The following KIAA1549 variants were observed in gnomAD, a reference collection of about 807,000 sequenced individuals.
KIAA1549 encodes UPF0606 protein KIAA1549.
In KIAA1549, 70 loss-of-function variants were observed where a neutral mutation model predicts 156.4. That is an observed-to-expected ratio of 0.45 (90% CI 0.37 to 0.55). The LOEUF (loss-of-function observed/expected upper bound fraction) is 0.55. Ranked by LOEUF, KIAA1549 falls within the 20% of genes least tolerant of loss-of-function variation. KIAA1549 has a pLI of 0.00. For missense variants in KIAA1549, 2,428 were observed against 2,540.9 expected, an observed-to-expected ratio of 0.96 and a Z score of 0.96; for synonymous variants, 1,103 against 1,066.4, an observed-to-expected ratio of 1.03 and a Z score of -0.67.
At chr7:138,965,607 T>C (rs1471612916) in intron 1 of KIAA1549, among the ~76,000 whole-genome samples, 1 of 152,158 alleles carries the variant, frequency 6.6e-6, no homozygotes, top group East Asian at 1.9e-4. Flanking sequence ...TGGATCTGTA[T>C]TTCCTGACAA....
intron 1 of KIAA1549, among the ~76,000 whole-genome samples, chr7:138,954,360 G>A (rs967954509): frequency 9.9e-5 from 15 of 152,162 alleles, no homozygotes; most frequent in African/African-American, 3.6e-4. Flanking sequence ...TGGCTAAGTC[G>A]TACTGTGGGC....
rs1312768413 is a variant in KIAA1549 at position 138,836,509 on chromosome 7, A to AT, written c.*1396dup. 21 of 215,304 alleles carry AT rather than the reference A, an allele frequency of 9.8e-5. No homozygotes were observed. The highest frequency in any genetic ancestry group is 1.9e-4 in the Non-Finnish European group (20 of 106,900). 13.3% of individuals were successfully genotyped at this position (215,304 alleles called of 1,614,324 possible). ...ATGCATGACTGTCTTCGCTGATCTAATAAAAACAGGTTAATAGTGAAAATC... is the reference window on the plus strand; with the variant it reads ...ATGCATGACTGTCTTCGCTGATCTAATTAAAAACAGGTTAATAGTGAAAATC... On this transcript the variant is annotated 3_prime_UTR_variant, in exon 20 of 20. Transcript: ENST00000422774.
At chr7:138,942,486 A>AT (rs1448063082) in intron 1 of KIAA1549, among the ~76,000 whole-genome samples, 1 of 151,752 alleles carries the variant, frequency 6.6e-6, no homozygotes. Context: ...GCTGCCACAG[A>AT]AAGACCTGGA....
chr7:138,956,450 T>A (rs558331937), intron 1 of KIAA1549, among the ~76,000 whole-genome samples: 1 of 152,216 alleles, frequency 6.6e-6, no homozygotes, highest in African/African-American at 2.4e-5. Flanking sequence ...GTAGCTCCCA[T>A]AATTCCCATG....
intron 15 of KIAA1549, among the ~76,000 whole-genome samples, chr7:138,863,784 C>T (rs1426198832): frequency 1.3e-5 from 2 of 152,160 alleles, no homozygotes; most frequent in Admixed American, 6.5e-5. Context: ...GCACATGACA[C>T]TCTTGGGCTT....
intron 10 of KIAA1549, among the ~76,000 whole-genome samples, chr7:138,883,461 C>T (rs953817199): frequency 4.0e-5 from 6 of 151,870 alleles, no homozygotes; most frequent in East Asian, 3.9e-4. Flanking sequence ...TAAGGGTGCA[C>T]GCCACCATGC....
At position 138,832,289 on chromosome 7, in the gene KIAA1549, T is replaced by C. The variant is rs1809559045; in HGVS notation, c.*5617A>G. On this transcript the variant is annotated 3_prime_UTR_variant, in exon 20 of 20. Coordinates refer to ENST00000422774, the MANE Select transcript of KIAA1549 (RefSeq NM_001164665.2). ...ATAGCTCACTGCAGCCTCCAACTCA[T>C]TGGCTCAAGCGATCCTCCAGTCTTA... The C allele has an allele frequency of 1.0e-5, 2 of 197,788 alleles. No individual in the cohort carries two copies. Among genetic ancestry groups the C allele is most frequent in the Middle Eastern group, 1.6e-3 (1 of 620 alleles). 12.3% of individuals were successfully genotyped at this position (197,788 alleles called of 1,614,324 possible).
rs1490898624 is a variant in KIAA1549, at chr7:138,918,624, T to C, written c.1002A>G (p.Glu334=). ...DVTTVLSQSL[E]ETISPRTYPT... ...GGTATGTTCTTGGAGAGATGGTTTC[T>C]TCTAGGCTTTGACTCAACACAGTGG... Residue 334 remains glutamate, a synonymous_variant, in exon 2 of 20, where the codon GAA becomes GAG. Coordinates refer to ENST00000422774, the MANE Select transcript of KIAA1549 (RefSeq NM_001164665.2). This position sits in a 1 kb window ranked among gnomAD's most constrained non-coding sequence, Gnocchi z 4.2. 2 of 1,613,940 alleles carry C rather than the reference T, an allele frequency of 1.2e-6. No homozygotes were observed. Among genetic ancestry groups the C allele is most frequent in the Admixed American group, 1.7e-5 (1 of 60,032 alleles).
intron 16 of KIAA1549, among the ~76,000 whole-genome samples, chr7:138,855,154 A>G (rs928803534): frequency 2.0e-5 from 3 of 152,162 alleles, no homozygotes; most frequent in South Asian, 2.1e-4. Flanking sequence ...GAGAAGTAAC[A>G]ATCAGAGACC....
In KIAA1549 at chr7:138,844,338, G is replaced by A. The variant is rs1448930350; in HGVS notation, c.5431C>T (p.Arg1811Trp). 4.3e-6 allele frequency: 7 copies of A among 1,613,830 alleles called. No homozygotes were observed. The highest frequency in any genetic ancestry group is 2.2e-5 in the East Asian group (1 of 44,890). Residue 1811 changes from arginine to tryptophan, a missense_variant, in exon 18 of 20, where the codon CGG becomes TGG. This residue lies in a region of KIAA1549 where 363 missense variants were observed against 354.0 expected (regional missense o/e 1.03). Transcript: ENST00000422774. ...ATACCTGTGGTACCCCCGACAGGCC[G>A]AGGCCGGGCCACCGACGGCATCTCC... Reference protein sequence around the residue: ...SEEMPSVARPRPVGGTTGSQI... With the variant: ...SEEMPSVARPWPVGGTTGSQI...
chr7:138,872,562 G>A (rs75395300), intron 12 of KIAA1549, among the ~76,000 whole-genome samples: 272 of 152,232 alleles, frequency 1.8e-3, no homozygotes, highest in African/African-American at 6.3e-3. Flanking sequence ...AAAAGAGAAA[G>A]AGAAAAATGA....
intron 7 of KIAA1549, among the ~76,000 whole-genome samples, chr7:138,904,709 A>T (rs959394075): frequency 9.2e-5 from 14 of 151,946 alleles, no homozygotes; most frequent in African/African-American, 2.7e-4. Flanking sequence ...TAGAAAAAAA[A>T]AAATAAAACA....
At chr7:138,847,168 A>G (rs924364149) in intron 17 of KIAA1549, among the ~76,000 whole-genome samples, 3 of 152,116 alleles carry the variant, frequency 2.0e-5, no homozygotes, top group African/African-American at 7.2e-5. Context: ...TATTCTTAAC[A>G]TGTTTTGCAA....
intron 1 of KIAA1549, among the ~76,000 whole-genome samples, chr7:138,969,262 C>T (rs7790930): frequency 0.15 from 23,384 of 152,194 alleles, 2,223 homozygotes; most frequent in African/African-American, 0.26. Context: ...AGCTGAAACT[C>T]TGTCCCCATT....
rs1251262697 is a variant in KIAA1549, at chr7:138,831,882, C to G, written c.*6024G>C. ...CAAAGTCGAGGGCGTTCCCACTCCCCTTTTCTGAAACAAGTCCTCTGGTGC... is the reference window on the plus strand; with the variant it reads ...CAAAGTCGAGGGCGTTCCCACTCCCGTTTTCTGAAACAAGTCCTCTGGTGC... On this transcript the variant is annotated 3_prime_UTR_variant, in exon 20 of 20. Coordinates refer to ENST00000422774, the MANE Select transcript of KIAA1549 (RefSeq NM_001164665.2). 1.7e-5 allele frequency: 4 copies of G among 232,844 alleles called. No individual in the cohort carries two copies. The highest frequency in any genetic ancestry group is 4.4e-5 in the African/African-American group (2 of 45,326). The allele number at this position is 232,844 out of a possible 1,614,324, so 14.4% of individuals were successfully genotyped here. A position where few individuals can be genotyped will look rare whatever the true frequency, so the allele number is the denominator to read the frequency against.
chr7:138,954,245 G>A (rs511477), intron 1 of KIAA1549, among the ~76,000 whole-genome samples: 64,164 of 152,096 alleles, frequency 0.42, 17,781 homozygotes, highest in African/African-American at 0.8. Context: ...CTTTGCTCTG[G>A]ACATGGCCAG....
chr7:138,940,837 C>T (rs1025971416), intron 1 of KIAA1549, among the ~76,000 whole-genome samples: 2 of 152,184 alleles, frequency 1.3e-5, no homozygotes, highest in Non-Finnish European at 2.9e-5. Context: ...CTGTTCATAT[C>T]TTTCACCCAC....
At chr7:138,922,384 G>A (rs1489125063) in intron 1 of KIAA1549, among the ~76,000 whole-genome samples, 1 of 151,952 alleles carries the variant, frequency 6.6e-6, no homozygotes, top group East Asian at 1.9e-4. Context: ...AAATACATAG[G>A]AAAGCAAAGT....
At chr7:138,928,118 T>A (rs1584763424) in intron 1 of KIAA1549, among the ~76,000 whole-genome samples, 2 of 150,906 alleles carry the variant, frequency 1.3e-5, no homozygotes, top group Non-Finnish European at 3.0e-5. Context: ...AGACGGGGTT[T>A]CACAGTGTAA....
Sources: gnomAD v4.1 joint callset for allele counts (sites outside exome capture counted in the v4.1 genomes callset) on GRCh38, gnomAD v4.1.1 for gene constraint, gnomAD v4.1.1 regional missense constraint, Gnocchi (gnomAD v3.1) non-coding constraint, MANE v1.5 for transcripts, NCBI Gene and HGNC (gene_info 2026-07-23, HGNC 2026-07-21) for gene names.